The following IGSF10 variants were observed in gnomAD, a reference collection of about 807,000 sequenced individuals.
IGSF10 encodes calvaria mechanical force protein 608.
Under a neutral mutation model 128.2 loss-of-function variants are expected in IGSF10, and 126 were observed. That is an observed-to-expected ratio of 0.98 (90% confidence interval 0.85 to 1.14). IGSF10 has a LOEUF of 1.14. IGSF10 is among the 50% of genes most tolerant of loss of function. The probability of loss-of-function intolerance (pLI) is 0.00; values close to 1 mark genes in which losing one functional copy is unlikely to be tolerated. For missense variants in IGSF10, 3,295 were observed against 3,149.8 expected (o/e 1.05, Z -1.10); for synonymous variants, 1,185 against 1,146.2 (o/e 1.03, Z -0.68).
At chr3:151,463,529 T>TTTTTTG (rs1560185454), upstream of IGSF10, among the ~76,000 whole-genome samples, 84 of 58,634 alleles carry the variant, frequency 1.4e-3, 1 homozygote, top group African/African-American at 4.2e-3. Flanking sequence ...TCTGGTTTTT[T>TTTTTTG]TTTTTTTTTT....
chr3:151,482,544 A>G, the IGSF10 span, among the ~76,000 whole-genome samples: 1 of 152,240 alleles, frequency 6.6e-6, no homozygotes, highest in African/African-American at 2.4e-5. Context: ...AAGACAGTCT[A>G]TAGGGCATTA....
At chr3:151,558,307 G>A in the IGSF10 span, among the ~76,000 whole-genome samples, 1 of 151,580 alleles carries the variant, frequency 6.6e-6, no homozygotes, top group African/African-American at 2.4e-5. Flanking sequence ...AGATGCAATT[G>A]CCAAGTTCTT....
At chr3:151,492,563 C>T in the IGSF10 span, among the ~76,000 whole-genome samples, 1 of 152,018 alleles carries the variant, frequency 6.6e-6, no homozygotes, top group African/African-American at 2.4e-5. Context: ...ACTAAAAATA[C>T]AAAAATTAGC....
chr3:151,570,145 T>C, the IGSF10 span, among the ~76,000 whole-genome samples: 1 of 152,200 alleles, frequency 6.6e-6, no homozygotes, highest in African/African-American at 2.4e-5. Context: ...TGTTGGACAT[T>C]TGGGTTGGTT....
the IGSF10 span, among the ~76,000 whole-genome samples, chr3:151,575,639 C>T: frequency 1.3e-5 from 2 of 152,176 alleles, no homozygotes; most frequent in African/African-American, 4.8e-5. Flanking sequence ...TCATGTCTTC[C>T]CTTGGCTAGG....
At chr3:151,518,203 T>C in the IGSF10 span, among the ~76,000 whole-genome samples, 4 of 152,006 alleles carry the variant, frequency 2.6e-5, no homozygotes, top group African/African-American at 9.7e-5. Flanking sequence ...AATCACTGAG[T>C]TTTGGCCAAA....
chr3:151,551,088 C>G, the IGSF10 span, among the ~76,000 whole-genome samples: 1 of 152,128 alleles, frequency 6.6e-6, no homozygotes, highest in African/African-American at 2.4e-5. Context: ...AAGGTTTGAC[C>G]TTGTCCTGCC....
chr3:151,455,660 C>A (rs1486642555), intron 4 of IGSF10, among the ~76,000 whole-genome samples: 1 of 152,154 alleles, frequency 6.6e-6, no homozygotes, highest in Non-Finnish European at 1.5e-5. Context: ...TCATTCCTTT[C>A]TTTGCTGAAT....
the IGSF10 span, among the ~76,000 whole-genome samples, chr3:151,479,920 C>T: frequency 6.6e-6 from 1 of 151,464 alleles, no homozygotes; most frequent in Admixed American, 6.6e-5. Flanking sequence ...ACAGTCTTTG[C>T]ATTGAAGAGT....
At chr3:151,439,227 T>C (rs917312118) in intron 7 of IGSF10, among the ~76,000 whole-genome samples, 1 of 152,182 alleles carries the variant, frequency 6.6e-6, no homozygotes, top group African/African-American at 2.4e-5. Flanking sequence ...TTGTAATATA[T>C]ATAGGTAAAC....
chr3:151,471,701 T>A, the IGSF10 span, among the ~76,000 whole-genome samples: 319 of 152,322 alleles, frequency 2.1e-3, 3 homozygotes, highest in East Asian at 0.013. Flanking sequence ...GTAGATGAAC[T>A]CTTTTCTGCT....
At position 151,437,964 on chromosome 3, in the gene IGSF10, G is replaced by A. The variant is rs1182423513; in HGVS notation, c.6597C>T (p.Thr2199=). 1 of 1,614,144 alleles carries A rather than the reference G, an allele frequency of 6.2e-7. No homozygotes were observed. The highest frequency in any genetic ancestry group is 1.1e-5 in the South Asian group (1 of 91,076). ...AATCGAGCAGTTTCACTTTGTTGAT[G>A]GTCAAAGACCCATTGGCATGAAATG... is the stretch of plus-strand genomic sequence containing the variant. ...RYTFHANGSL[T]INKVKLLDSG... Residue 2199 remains threonine (T), a synonymous_variant, in exon 8 of 8, where the codon ACC becomes ACT. Transcript: ENST00000282466.
the IGSF10 span, among the ~76,000 whole-genome samples, chr3:151,503,047 C>T: frequency 6.6e-6 from 1 of 151,960 alleles, no homozygotes; most frequent in Non-Finnish European, 1.5e-5. Flanking sequence ...AATAAAACAG[C>T]CTTCATCTTT....
the IGSF10 span, among the ~76,000 whole-genome samples, chr3:151,564,591 G>T: frequency 6.6e-6 from 1 of 152,170 alleles, no homozygotes; most frequent in South Asian, 2.1e-4. Context: ...GGACTGAGAA[G>T]TGGCTGACCT....
At chr3:151,528,926 A>T in the IGSF10 span, among the ~76,000 whole-genome samples, 2 of 151,268 alleles carry the variant, frequency 1.3e-5, no homozygotes, top group Non-Finnish European at 2.9e-5. Flanking sequence ...TCCCACCCCC[A>T]TGGAGCCCAG....
chr3:151,497,563 GT>G, the IGSF10 span, among the ~76,000 whole-genome samples: 1 of 152,172 alleles, frequency 6.6e-6, no homozygotes, highest in Non-Finnish European at 1.5e-5. Context: ...GTACCATGCT[GT>G]TTTGGTTACT....
chr3:151,464,236 C>G (rs1722199089), upstream of IGSF10, among the ~76,000 whole-genome samples: 1 of 152,140 alleles, frequency 6.6e-6, no homozygotes, highest in Non-Finnish European at 1.5e-5. Context: ...TATAGTTTTA[C>G]CTAATGATTT....
the IGSF10 span, among the ~76,000 whole-genome samples, chr3:151,539,652 C>T: frequency 6.6e-6 from 1 of 151,984 alleles, no homozygotes; most frequent in Non-Finnish European, 1.5e-5. Flanking sequence ...ATCTGTAATC[C>T]GACCACCCCC....
At chr3:151,597,127 A>G in the IGSF10 span, among the ~76,000 whole-genome samples, 1 of 152,184 alleles carries the variant, frequency 6.6e-6, no homozygotes, top group South Asian at 2.1e-4. Flanking sequence ...CAGAATAGTG[A>G]AGTAGTACCA....
Sources: allele counts gnomAD v4.1 joint callset (sites outside exome capture counted in the v4.1 genomes callset), GRCh38; gene constraint gnomAD v4.1.1; transcripts MANE v1.5; gene names NCBI Gene and HGNC (gene_info 2026-07-23, HGNC 2026-07-21).